The following BTBD3 variants were observed in gnomAD, a reference collection of about 807,000 sequenced individuals.
BTBD3 encodes BTB domain containing 3, also known as BTB/POZ domain-containing protein 3.
A neutral mutation model predicts 41.6 loss-of-function variants in BTBD3; 14 were observed. The ratio of observed to expected loss-of-function variants is 0.34; its 90% CI spans 0.22 to 0.53. The LOEUF (loss-of-function observed/expected upper bound fraction) is 0.53. Among genes scored for constraint, BTBD3 ranks in the 20% least tolerant of loss-of-function variants. The probability of loss-of-function intolerance (pLI) is 0.95; values close to 1 mark genes in which losing one functional copy is unlikely to be tolerated. For missense variants in BTBD3, 426 were observed against 654.7 expected (o/e 0.65, Z 3.81); for synonymous variants, 249 against 233.7 (o/e 1.07, Z -0.60).
Position 11,923,873 on chromosome 20 carries a change from A to T in BTBD3, c.*207A>T. The T allele has an allele frequency of 1.8e-6, 1 of 544,174 alleles. No homozygotes were observed. The highest frequency in any genetic ancestry group is 2.8e-5 in the South Asian group (1 of 35,724). The allele number at this position is 544,174 out of a possible 1,614,324, so 33.7% of individuals were successfully genotyped here. On this transcript the variant is annotated 3_prime_UTR_variant, in exon 4 of 4. Transcript: ENST00000378226. The surrounding 1 kb of genome is among the most constrained non-coding windows in gnomAD (Gnocchi z 5.3). The stretch of plus-strand genomic sequence containing the variant: ...TTTAACTATCTGCTTAAAAGAGCTA[A>T]CGTTCTTATTAAGGCTTTGTGGTTT...
In BTBD3 at chr20:11,918,494, C is replaced by T. The variant is rs1380277280; in HGVS notation, c.219C>T (p.Ala73=). Reference sequence around the variant, plus strand: ...ATATATTCCCCCGTAAAAAGCCAGCCAACTCCAGCAGCACCAGCGTCCAGC... The same window carrying T: ...ATATATTCCCCCGTAAAAAGCCAGCTAACTCCAGCAGCACCAGCGTCCAGC... The part of the protein sequence containing the change: ...AADIFPRKKP[A]NSSSTSVQQY... Residue 73 remains alanine, a synonymous_variant, in exon 1 of 4, where the codon GCC becomes GCT. Coordinates refer to ENST00000378226, the MANE Select transcript of BTBD3 (RefSeq NM_014962.4). 1.2e-6 allele frequency: 2 copies of T among 1,614,154 alleles called. No individual in the cohort carries two copies. The highest frequency in any genetic ancestry group is 2.2e-5 in the East Asian group (1 of 44,882).
At chr20:11,906,467 T>C (rs1238543344) in intron 1 of BTBD3, among the ~76,000 whole-genome samples, 1 of 151,890 alleles carries the variant, frequency 6.6e-6, no homozygotes, top group Non-Finnish European at 1.5e-5. Flanking sequence ...TTTCACCATG[T>C]TGGACAGTCT....
intron 1 of BTBD3, among the ~76,000 whole-genome samples, chr20:11,906,740 T>C (rs2056857258): frequency 6.6e-6 from 1 of 152,208 alleles, no homozygotes; most frequent in African/African-American, 2.4e-5. Context: ...TAATCTGAAA[T>C]GAGACATCGC....
intron 1 of BTBD3, chr20:11,892,445 G>T (rs2056760989): frequency 6.6e-6 from 1 of 151,988 alleles, no homozygotes; most frequent in South Asian, 2.1e-4. Context: ...GTCCTCCAGG[G>T]GAAGTGGGCG....
At chr20:11,900,796 C>T (rs2056819540) in intron 1 of BTBD3, among the ~76,000 whole-genome samples, 1 of 150,698 alleles carries the variant, frequency 6.6e-6, no homozygotes, top group Non-Finnish European at 1.5e-5. Context: ...CAAGCTCTGC[C>T]TTCTGGGTTC....
chr20:11,904,141 T>C (rs2056839614), intron 1 of BTBD3, among the ~76,000 whole-genome samples: 1 of 152,232 alleles, frequency 6.6e-6, no homozygotes, highest in African/African-American at 2.4e-5. Context: ...GTAAAGCAGC[T>C]ACCTGAGACT....
intron 1 of BTBD3, chr20:11,910,315 C>T (rs1243848907): frequency 6.6e-6 from 1 of 152,046 alleles, no homozygotes; most frequent in Non-Finnish European, 1.5e-5. Context: ...ATATTATTTT[C>T]TTCTTCTGTT....
rs761874041 is a variant in BTBD3 at position 11,918,243 on chromosome 20, A to G, written c.-33A>G. ...TCCTTGATGTTCAAACCAATTTGGG[A>G]TATCTAACTCTAAAGAGAGACACAC... On this transcript the variant is annotated 5_prime_UTR_variant, in exon 1 of 4. Coordinates refer to ENST00000378226, the MANE Select transcript of BTBD3 (RefSeq NM_014962.4). The G allele has an allele frequency of 2.0e-5, 31 of 1,517,194 alleles. No homozygotes were observed. Among genetic ancestry groups the G allele is most frequent in the Non-Finnish European group, 2.6e-6 (3 of 1,141,412 alleles). The allele number at this position is 1,517,194 out of a possible 1,614,324, so 94.0% of individuals were successfully genotyped here.
chr20:11,891,716 A>G (rs1246267072), intron 1 of BTBD3, among the ~76,000 whole-genome samples: 2 of 152,134 alleles, frequency 1.3e-5, no homozygotes, highest in African/African-American at 2.4e-5. Flanking sequence ...CAAAGAAAGT[A>G]TTGTTCGGGC....
At chr20:11,907,203 A>C (rs1258906753) in intron 1 of BTBD3, among the ~76,000 whole-genome samples, 1 of 152,178 alleles carries the variant, frequency 6.6e-6, no homozygotes, top group African/African-American at 2.4e-5. Context: ...CTAAGCATGT[A>C]GGGACTTGCT....
At position 11,917,987 on chromosome 20, in the gene BTBD3, C is replaced by T; in HGVS notation, c.-289C>T. ...AGAAGTGCTACAGCTCTGTGCCTGT[C>T]ATCTTTGCAGTGTAGCATTTTCAGG... On this transcript the variant is annotated 5_prime_UTR_variant, in exon 1 of 4. Transcript: ENST00000378226. 1 of 1,127,228 alleles carries T rather than the reference C, an allele frequency of 8.9e-7. No homozygotes were observed. Among genetic ancestry groups the T allele is most frequent in the Non-Finnish European group, 1.1e-6 (1 of 920,820 alleles). 69.8% of individuals were successfully genotyped at this position (1,127,228 alleles called of 1,614,324 possible).
At chr20:11,897,487 A>C (rs2056794591) in intron 1 of BTBD3, among the ~76,000 whole-genome samples, 1 of 139,906 alleles carries the variant, frequency 7.1e-6, no homozygotes, top group African/African-American at 2.8e-5. Flanking sequence ...ATTTAAGCAA[A>C]AAAAAAAAAA....
chr20:11,902,909 A>G (rs2056832226), intron 1 of BTBD3, among the ~76,000 whole-genome samples: 1 of 152,158 alleles, frequency 6.6e-6, no homozygotes, highest in South Asian at 2.1e-4. Context: ...ACTTAAAAAA[A>G]TTTCAATATA....
chr20:11,913,883 C>G (rs1277431563), upstream of BTBD3, among the ~76,000 whole-genome samples: 1 of 152,176 alleles, frequency 6.6e-6, no homozygotes, highest in Non-Finnish European at 1.5e-5. Context: ...AATAGGTTAA[C>G]AGTGATTCAG....
chr20:11,908,782 A>G (rs1327771857), intron 1 of BTBD3, among the ~76,000 whole-genome samples: 1 of 152,162 alleles, frequency 6.6e-6, no homozygotes, highest in African/African-American at 2.4e-5. Flanking sequence ...GCAACAAAGA[A>G]GTGCTTTATC....
At chr20:11,903,638 G>A (rs539715344) in intron 1 of BTBD3, among the ~76,000 whole-genome samples, 4 of 151,628 alleles carry the variant, frequency 2.6e-5, no homozygotes, top group South Asian at 2.1e-4. Flanking sequence ...GCGGAGTTTC[G>A]CTCTTGTTGC....
chr20:11,904,968 G>A (rs113503772), intron 1 of BTBD3, among the ~76,000 whole-genome samples: 3 of 152,182 alleles, frequency 2.0e-5, no homozygotes, highest in Admixed American at 6.5e-5. Flanking sequence ...ATTAGAAAAG[G>A]TTGGTTCACT....
Position 11,925,874 on chromosome 20 carries a change from TC to T in BTBD3, c.*2209del, listed in dbSNP as rs1263424957. Reference sequence around the variant, plus strand: ...GTGACTAGTGAGCTGCTGGTGAAAGTCGTGTGAAATCCTGTACACTGTGTAT... The same window carrying T: ...GTGACTAGTGAGCTGCTGGTGAAAGTGTGTGAAATCCTGTACACTGTGTAT... On this transcript the variant is annotated 3_prime_UTR_variant, in exon 4 of 4. Transcript: ENST00000378226. 3 of 152,732 alleles carry T rather than the reference TC, an allele frequency of 2.0e-5. No homozygotes were observed. In the East Asian group the frequency reaches 5.8e-4, roughly 29 times the overall value. 9.5% of individuals were successfully genotyped at this position (152,732 alleles called of 1,614,324 possible).
chr20:11,907,945 C>T (rs1463752588), intron 1 of BTBD3, among the ~76,000 whole-genome samples: 1 of 152,176 alleles, frequency 6.6e-6, no homozygotes, highest in Non-Finnish European at 1.5e-5. Context: ...TGCTTGTTTG[C>T]ACTTCTCTGG....
Sources: gnomAD v4.1 joint callset for allele counts (sites outside exome capture counted in the v4.1 genomes callset) on GRCh38, gnomAD v4.1.1 for gene constraint, Gnocchi (gnomAD v3.1) non-coding constraint, MANE v1.5 for transcripts, NCBI Gene and HGNC (gene_info 2026-07-23, HGNC 2026-07-21) for gene names.